The following DLG2 variants were observed in gnomAD, a reference collection of about 807,000 sequenced individuals.
DLG2 encodes the protein discs large MAGUK scaffold protein 2.
A neutral mutation model predicts 132.5 loss-of-function variants in DLG2; 45 were observed. The ratio of observed to expected loss-of-function variants is 0.34; its 90% CI spans 0.27 to 0.44. The LOEUF (loss-of-function observed/expected upper bound fraction) is 0.44. Among genes scored for constraint, DLG2 ranks in the 20% least tolerant of loss-of-function variants. DLG2 has a pLI of 1.00. For missense variants in DLG2, 1,045 were observed against 1,196.9 expected (o/e 0.87, Z 1.87); for synonymous variants, 424 against 419.6 (o/e 1.01, Z -0.13).
intron 6 of DLG2, among the ~76,000 whole-genome samples, chr11:85,087,239 A>G (rs1312663678): frequency 6.6e-6 from 1 of 152,232 alleles, no homozygotes; most frequent in African/African-American, 2.4e-5. Flanking sequence ...ACAAATTGTG[A>G]TAAGGGTTTA....
chr11:85,141,711 C>T (rs1003324178), intron 5 of DLG2, among the ~76,000 whole-genome samples: 7 of 151,690 alleles, frequency 4.6e-5, no homozygotes, highest in African/African-American at 1.7e-4. Context: ...ATCTTTAATC[C>T]ATTTTTATTT....
At chr11:84,814,760 T>A (rs369310401) in intron 6 of DLG2, among the ~76,000 whole-genome samples, 1 of 152,144 alleles carries the variant, frequency 6.6e-6, no homozygotes, top group Admixed American at 6.6e-5. Context: ...CTGAGTTAAA[T>A]ATGCCTTCTC....
chr11:84,462,742 T>C (rs2154486150), intron 7 of DLG2, among the ~76,000 whole-genome samples: 1 of 151,172 alleles, frequency 6.6e-6, no homozygotes, highest in South Asian at 2.1e-4. Flanking sequence ...GGGTTGAAAA[T>C]ACAAAAATTC....
chr11:83,793,225 T>G (rs2042018129), intron 17 of DLG2, among the ~76,000 whole-genome samples: 1 of 152,198 alleles, frequency 6.6e-6, no homozygotes, highest in Non-Finnish European at 1.5e-5. Flanking sequence ...TTTGTACTGT[T>G]GTATTTTAAC....
In DLG2 at chr11:83,651,236, A is replaced by C. The variant is rs189883407; in HGVS notation, c.1826-17911T>G. Among the ~76,000 whole-genome samples the C allele has an allele frequency of 1.4e-3, 213 of 152,314 alleles. 1 individual carries two copies. Among genetic ancestry groups the C allele is most frequent in the African/African-American group, 5.0e-3 (207 of 41,562 alleles). The stretch of plus-strand genomic sequence containing the variant: ...GAAAACTGAGTTTAGGTTAAAAAAA[A>C]ATCTCAGATGGAATGTCAGAGAGTA... On this transcript the variant is annotated intron_variant, in intron 18 of 27. Coordinates refer to ENST00000376104, the MANE Select transcript of DLG2 (RefSeq NM_001142699.3).
In DLG2 at chr11:85,414,482, C is replaced by T. The variant is rs558100136; in HGVS notation, c.41-129117G>A. Among the ~76,000 whole-genome samples, 11 of 151,770 alleles carry T rather than the reference C, an allele frequency of 7.2e-5. No homozygotes were observed. In the East Asian group the frequency reaches 1.2e-3, roughly 16 times the overall value. On this transcript the variant is annotated intron_variant, in intron 3 of 27. Transcript: ENST00000376104. ...GAGTGCTTGATATAATTTCAATTTTCGTAAATTTGTTGAGGCTCATTTTGT... is the reference window on the plus strand; with the variant it reads ...GAGTGCTTGATATAATTTCAATTTTTGTAAATTTGTTGAGGCTCATTTTGT...
At chr11:84,653,500 C>T (rs2099684591) in intron 6 of DLG2, among the ~76,000 whole-genome samples, 1 of 152,120 alleles carries the variant, frequency 6.6e-6, no homozygotes, top group African/African-American at 2.4e-5. Flanking sequence ...TAATGACTCC[C>T]CTGTTACCTC....
chr11:85,144,329 T>C (rs1196742328), intron 5 of DLG2, among the ~76,000 whole-genome samples: 1 of 148,578 alleles, frequency 6.7e-6, no homozygotes, highest in African/African-American at 2.5e-5. Context: ...GTGAGTTTTG[T>C]AGGCAGCATA....
chr11:83,881,757 G>T (rs2066323541), intron 15 of DLG2, among the ~76,000 whole-genome samples: 2 of 152,108 alleles, frequency 1.3e-5, no homozygotes, highest in Admixed American at 6.5e-5. Context: ...CAGGTGATTT[G>T]CATACTAACA....
In DLG2 at chr11:84,350,181, C is replaced by CA. The variant is rs1464184367; in HGVS notation, c.520-98891_520-98890insT. On this transcript the variant is annotated intron_variant, in intron 7 of 27. Coordinates refer to ENST00000376104, the MANE Select transcript of DLG2 (RefSeq NM_001142699.3). ...CGACAGAGAGAGACTTCGTCCCCCC[C>CA]CCCAAAAAAAAAAAAAAAAAATCCA... Among the ~76,000 whole-genome samples the CA allele has an allele frequency of 2.3e-3, 329 of 143,206 alleles. 2 individuals carry two copies. The highest frequency in any genetic ancestry group is 6.8e-3 in the African/African-American group (255 of 37,414). 93.9% of individuals were successfully genotyped at this position (143,206 alleles called of 152,430 possible). A position where few individuals can be genotyped will look rare whatever the true frequency, so the allele number is the denominator to read the frequency against.
intron 18 of DLG2, among the ~76,000 whole-genome samples, chr11:83,718,103 G>A (rs1292674612): frequency 6.6e-6 from 1 of 152,194 alleles, no homozygotes; most frequent in Admixed American, 6.5e-5. Context: ...GAAAAGATTG[G>A]TCATAAACAG....
intron 6 of DLG2, among the ~76,000 whole-genome samples, chr11:84,652,916 G>T (rs1056732195): frequency 2.9e-4 from 44 of 150,210 alleles, no homozygotes; most frequent in African/African-American, 1.0e-3. Context: ...AGGTACAATA[G>T]AATCCAATAT....
At chr11:84,533,317 A>T (rs917123513) in intron 7 of DLG2, among the ~76,000 whole-genome samples, 1 of 152,218 alleles carries the variant, frequency 6.6e-6, no homozygotes, top group African/African-American at 2.4e-5. Flanking sequence ...GTTTAGTCCC[A>T]TGTCCCCCAA....
chr11:83,534,558 A>T (rs1253801803), intron 20 of DLG2, among the ~76,000 whole-genome samples: 1 of 152,238 alleles, frequency 6.6e-6, no homozygotes, highest in Non-Finnish European at 1.5e-5. Context: ...ATGGAATTGC[A>T]GAATATATTT....
At chr11:84,325,276 T>C (rs1239432406) in intron 7 of DLG2, among the ~76,000 whole-genome samples, 1 of 152,170 alleles carries the variant, frequency 6.6e-6, no homozygotes, top group Non-Finnish European at 1.5e-5. Context: ...GTTTTTTACA[T>C]AGGTATACGT....
intron 17 of DLG2, among the ~76,000 whole-genome samples, chr11:83,823,646 G>GTCAGTCAT (rs1555009399): frequency 2.7e-5 from 4 of 149,606 alleles, no homozygotes; most frequent in African/African-American, 1.0e-4. Context: ...GCAAAGATGA[G>GTCAGTCAT]TCATTCATTC....
At chr11:85,276,111 A>G (rs1565254677) in intron 4 of DLG2, among the ~76,000 whole-genome samples, 1 of 152,134 alleles carries the variant, frequency 6.6e-6, no homozygotes, top group Admixed American at 6.5e-5. Flanking sequence ...CTTTTTCTTT[A>G]CTGTTACATT....
chr11:85,491,426 A>G (rs186207535), intron 3 of DLG2, among the ~76,000 whole-genome samples: 133 of 152,278 alleles, frequency 8.7e-4, no homozygotes, highest in African/African-American at 3.1e-3. Context: ...CAGAGCAATC[A>G]AGCAAGAGAA....
chr11:83,958,863 A>T (rs1041088535), intron 14 of DLG2, among the ~76,000 whole-genome samples: 11 of 152,094 alleles, frequency 7.2e-5, no homozygotes, highest in Non-Finnish European at 1.5e-4. Context: ...TCTAAATCTG[A>T]TTATACTACT....
Sources: allele counts gnomAD v4.1 joint callset (sites outside exome capture counted in the v4.1 genomes callset), GRCh38; gene constraint gnomAD v4.1.1; transcripts MANE v1.5; gene names NCBI Gene and HGNC (gene_info 2026-07-23, HGNC 2026-07-21).